BCO1: variants seen among roughly 807,000 people sequenced by gnomAD.
BCO1 encodes the protein beta-carotene oxygenase 1.
In BCO1, 54 loss-of-function variants were observed where a neutral mutation model predicts 56.3. The observed-to-expected ratio is 0.96, with a 90% confidence interval of 0.77 to 1.20. The LOEUF is 1.20. Among genes scored for constraint, BCO1 ranks in the 50% most tolerant of loss-of-function variants. The pLI is 0.00. For synonymous variants in BCO1, 318 were observed against 266.1 expected (o/e 1.20, Z -1.90); for missense variants, 801 against 690.9 (o/e 1.16, Z -1.79).
At chr16:81,241,881 G>A (rs914750538) in intron 1 of BCO1, among the ~76,000 whole-genome samples, 9 of 152,156 alleles carry the variant, frequency 5.9e-5, no homozygotes, top group African/African-American at 1.9e-4. Context: ...TGGCTGTGCC[G>A]ACACACGTGT....
At chr16:81,263,310 C>G (rs1285693961) in intron 4 of BCO1, 2 of 152,120 alleles carry the variant, frequency 1.3e-5, no homozygotes, top group Admixed American at 6.6e-5. Context: ...TGGGGTTTCA[C>G]CGTGTTAGCC....
intron 1 of BCO1, 66 bp downstream of exon 1, chr16:81,239,038 G>A (rs1284404027): frequency 9.9e-6 from 13 of 1,317,486 alleles, no homozygotes; most frequent in Admixed American, 2.1e-5. Flanking sequence ...TTTTTTTGAG[G>A]CGGAGTCTCG....
chr16:81,262,120 T>C lies in BCO1; in HGVS notation c.324-16T>C, dbSNP rs769523486. On this transcript the variant is annotated splice_polypyrimidine_tract_variant and intron_variant, in intron 3 of 10. Transcript: ENST00000258168. ...GGACATAGCCACTGACTCTGTTGAT[T>C]TGCTTTTCTCCCCAGAGCTTTCTCC... The C allele has an allele frequency of 5.6e-6, 9 of 1,613,074 alleles. No individual in the cohort carries two copies. The highest frequency in any genetic ancestry group is 7.6e-6 in the Non-Finnish European group (9 of 1,179,730).
At chr16:81,268,532 G>A (rs1006769275) in intron 6 of BCO1, among the ~76,000 whole-genome samples, 11 of 152,174 alleles carry the variant, frequency 7.2e-5, no homozygotes, top group Non-Finnish European at 1.2e-4. Flanking sequence ...GGCGGTAGCG[G>A]CCAGAGGTTT....
intron 2 of BCO1, among the ~76,000 whole-genome samples, chr16:81,251,742 T>G (rs1905809333): frequency 1.3e-5 from 2 of 151,790 alleles, no homozygotes; most frequent in South Asian, 4.2e-4. Flanking sequence ...GTCTCCCTCA[T>G]TAATGATATC....
At chr16:81,239,117 A>C in intron 1 of BCO1, 145 bp downstream of exon 1, 1 of 684,780 alleles carries the variant, frequency 1.5e-6, no homozygotes, top group East Asian at 2.9e-5. Flanking sequence ...CCTGGGTTCA[A>C]ACGATCCTCC....
At chr16:81,242,192 CTTTTTTTTT>C (rs796252592) in intron 1 of BCO1, among the ~76,000 whole-genome samples, 7 of 78,756 alleles carry the variant, frequency 8.9e-5, no homozygotes, top group South Asian at 9.2e-4. Context: ...ACTTGGCTGT[CTTTTTTTTT>C]TTTTTTTTTT....
At chr16:81,240,524 G>A (rs1202310725) in intron 1 of BCO1, among the ~76,000 whole-genome samples, 3 of 152,018 alleles carry the variant, frequency 2.0e-5, no homozygotes. Flanking sequence ...TGGCTAACAT[G>A]GCGAAATCCC....
At chr16:81,280,101 A>G (rs1041562684) in intron 7 of BCO1, among the ~76,000 whole-genome samples, 2 of 151,752 alleles carry the variant, frequency 1.3e-5, no homozygotes, top group Non-Finnish European at 2.9e-5. Context: ...CATCTCCACT[A>G]AAAATATAAA....
rs970113417 is a variant in BCO1 at position 81,290,679 on chromosome 16, T to C, written c.*102T>C. 3.2e-5 allele frequency: 29 copies of C among 909,642 alleles called. No individual in the cohort carries two copies. Among genetic ancestry groups the C allele is most frequent in the Non-Finnish European group, 4.9e-5 (29 of 587,786 alleles). 56.3% of individuals were successfully genotyped at this position (909,642 alleles called of 1,614,324 possible). On this transcript the variant is annotated 3_prime_UTR_variant, in exon 11 of 11. Coordinates refer to ENST00000258168, the MANE Select transcript of BCO1 (RefSeq NM_017429.3). ...GGGCCTTTGTTACCTTTTGCACTTA[T>C]TCTTTCTGTGGGTGCTTTGACAAGG...
rs149987078 is a variant in BCO1 at position 81,276,638 on chromosome 16, C to T, written c.1102-4219C>T. On this transcript the variant is annotated intron_variant, in intron 7 of 10. Transcript: ENST00000258168. ...CTCAATTCACAGTCATCCTTTCAGA[C>T]CAGCACAGTGCATTGCTGGAACATT... Among the ~76,000 whole-genome samples the T allele has an allele frequency of 2.0e-5, 3 of 152,320 alleles. No homozygotes were observed. In the South Asian group the frequency reaches 6.2e-4, roughly 32 times the overall value.
chr16:81,258,692 A>G (rs1906298179), intron 2 of BCO1, among the ~76,000 whole-genome samples: 1 of 152,222 alleles, frequency 6.6e-6, no homozygotes, highest in African/African-American at 2.4e-5. Context: ...GTTCCTTCCT[A>G]TGGAAAATGG....
At chr16:81,282,432 A>G (rs1299437977) in intron 8 of BCO1, among the ~76,000 whole-genome samples, 1 of 152,134 alleles carries the variant, frequency 6.6e-6, no homozygotes, top group Non-Finnish European at 1.5e-5. Context: ...GCCTTGTTCC[A>G]TCAGCTGCCC....
chr16:81,250,368 G>T (rs1366643241), intron 2 of BCO1, among the ~76,000 whole-genome samples: 1 of 152,168 alleles, frequency 6.6e-6, no homozygotes, highest in Non-Finnish European at 1.5e-5. Flanking sequence ...TGCCAATGCT[G>T]GTGTGGCATA....
In BCO1 at chr16:81,270,317, CT is replaced by C; in HGVS notation, c.1004del (p.Phe335SerfsTer6). 6.2e-7 allele frequency: 1 copy of C among 1,614,154 alleles called. No homozygotes were observed. Among genetic ancestry groups the C allele is most frequent in the East Asian group, 2.2e-5 (1 of 44,884 alleles). The part of the protein sequence containing the change: ...AYEDNSLYQL[F>X]YLANLNQDFK... ...ACGAGGACAACAGCCTCTACCAGCT[CT>C]TCTACCTGGCCAACCTGAACCAGGA... is the stretch of plus-strand genomic sequence containing the variant. On this transcript the variant is annotated frameshift_variant, in exon 7 of 11. Transcript: ENST00000258168. LOFTEE classifies it high-confidence loss of function.
intron 9 of BCO1, among the ~76,000 whole-genome samples, chr16:81,286,755 C>T (rs899506015): frequency 8.6e-5 from 13 of 151,978 alleles, no homozygotes; most frequent in Admixed American, 4.6e-4. Context: ...GTATCAGCTA[C>T]GTGGTGGCCA....
intron 6 of BCO1, among the ~76,000 whole-genome samples, chr16:81,269,426 G>A (rs1169680595): frequency 6.6e-6 from 1 of 151,862 alleles, no homozygotes; most frequent in African/African-American, 2.4e-5. Context: ...CTCCTGAGTA[G>A]TTGGGATTAT....
chr16:81,240,355 C>A (rs1392450464), intron 1 of BCO1, among the ~76,000 whole-genome samples: 1 of 152,016 alleles, frequency 6.6e-6, no homozygotes, highest in East Asian at 1.9e-4. Context: ...TATACTATTA[C>A]ATTTTTATTT....
intron 5 of BCO1, among the ~76,000 whole-genome samples, chr16:81,266,383 A>C (rs1906830323): frequency 6.6e-6 from 1 of 152,160 alleles, no homozygotes. Flanking sequence ...CTCAGGAGAC[A>C]GTGCAGAACT....
Sources: allele counts gnomAD v4.1 joint callset (sites outside exome capture counted in the v4.1 genomes callset), GRCh38; gene constraint gnomAD v4.1.1; transcripts MANE v1.5; gene names NCBI Gene and HGNC (gene_info 2026-07-23, HGNC 2026-07-21).